The following FAT3 variants were observed in gnomAD, a reference collection of about 807,000 sequenced individuals.
The protein encoded by FAT3 is FAT atypical cadherin 3, also known as protocadherin Fat 3.
FAT3 carries 95 observed loss-of-function variants against 310.2 expected under a neutral mutation model. The ratio of observed to expected loss-of-function variants is 0.31; its 90% CI spans 0.26 to 0.36. The LOEUF (loss-of-function observed/expected upper bound fraction) is 0.36, where lower values mean the gene tolerates loss of function less well. Ranked by LOEUF, FAT3 falls within the 10% of genes least tolerant of loss-of-function variation. The pLI, the probability that FAT3 is intolerant of heterozygous loss-of-function variation, is 1.00. For missense variants in FAT3, 5,408 were observed against 5,715.6 expected (o/e 0.95, Z 1.74); for synonymous variants, 2,314 against 2,192.9 (o/e 1.06, Z -1.54).
At chr11:92,389,609 C>T (rs948760684) in intron 2 of FAT3, among the ~76,000 whole-genome samples, 1 of 152,166 alleles carries the variant, frequency 6.6e-6, no homozygotes, top group African/African-American at 2.4e-5. Flanking sequence ...TGGTACTTAA[C>T]AATAACTACC....
intron 7 of FAT3, among the ~76,000 whole-genome samples, chr11:92,787,035 G>A (rs1015432879): frequency 2.0e-5 from 3 of 152,066 alleles, no homozygotes; most frequent in African/African-American, 2.4e-5. Flanking sequence ...GATGTTTAGC[G>A]GCATCCCTGG....
At chr11:92,455,536 A>C (rs889626488) in intron 2 of FAT3, among the ~76,000 whole-genome samples, 1 of 152,192 alleles carries the variant, frequency 6.6e-6, no homozygotes, top group African/African-American at 2.4e-5. Flanking sequence ...AAACACTGAC[A>C]ATTGTCTGCT....
At chr11:92,291,080 T>TACACACACACACACACACACACACAC (rs141883138) in intron 1 of FAT3, among the ~76,000 whole-genome samples, 1 of 142,796 alleles carries the variant, frequency 7.0e-6, no homozygotes, top group Non-Finnish European at 1.5e-5. Flanking sequence ...CTTTTTATTC[T>TACACACACACACACACACACACACAC]ACACACACAC....
intron 19 of FAT3, among the ~76,000 whole-genome samples, chr11:92,845,139 C>G (rs185140284): frequency 4.6e-5 from 7 of 152,304 alleles, no homozygotes; most frequent in Admixed American, 3.3e-4. Context: ...GGAACCTACA[C>G]TGGGGATGGA....
intron 3 of FAT3, among the ~76,000 whole-genome samples, chr11:92,538,346 A>T (rs1954328192): frequency 6.6e-6 from 1 of 152,164 alleles, no homozygotes; most frequent in Non-Finnish European, 1.5e-5. Context: ...TTTCATTCAC[A>T]TACTACCCAT....
chr11:92,373,617 G>A (rs1949255782), intron 2 of FAT3, among the ~76,000 whole-genome samples: 1 of 152,014 alleles, frequency 6.6e-6, no homozygotes, highest in African/African-American at 2.4e-5. Flanking sequence ...AGTATATACT[G>A]TTATAATGAA....
chr11:92,599,404 C>T (rs1939894341), intron 3 of FAT3, among the ~76,000 whole-genome samples: 1 of 152,122 alleles, frequency 6.6e-6, no homozygotes. Context: ...GGTAACTGCC[C>T]TCATGATTCA....
At chr11:92,618,219 T>C (rs510637) in intron 3 of FAT3, among the ~76,000 whole-genome samples, 85,339 of 152,090 alleles carry the variant, frequency 0.56, 25,368 homozygotes, top group African/African-American at 0.76. Flanking sequence ...CCTTGCAGTT[T>C]GATCTCAGAC....
chr11:92,776,554 G>GAA (rs1223937180), intron 7 of FAT3, among the ~76,000 whole-genome samples: 3 of 152,098 alleles, frequency 2.0e-5, no homozygotes, highest in Non-Finnish European at 4.4e-5. Flanking sequence ...AGTTAATATG[G>GAA]AAACATGTAT....
intron 3 of FAT3, among the ~76,000 whole-genome samples, chr11:92,674,615 A>G (rs919950860): frequency 7.9e-5 from 12 of 152,014 alleles, no homozygotes; most frequent in Non-Finnish European, 1.8e-4. Flanking sequence ...CTTGAACTCC[A>G]GGGCTCAAGT....
intron 13 of FAT3, among the ~76,000 whole-genome samples, chr11:92,824,956 CATT>C (rs1248809485): frequency 6.6e-6 from 1 of 152,120 alleles, no homozygotes; most frequent in South Asian, 2.1e-4. Context: ...AACCAGTCCT[CATT>C]GTTGGAAAAT....
At chr11:92,507,725 A>G (rs755554450) in intron 2 of FAT3, among the ~76,000 whole-genome samples, 2 of 151,948 alleles carry the variant, frequency 1.3e-5, no homozygotes, top group Non-Finnish European at 2.9e-5. Context: ...ATACATGTAT[A>G]TGTACATATA....
At chr11:92,398,602 A>G (rs1040472152) in intron 2 of FAT3, among the ~76,000 whole-genome samples, 5 of 151,664 alleles carry the variant, frequency 3.3e-5, no homozygotes, top group African/African-American at 9.7e-5. Context: ...GATTGCCTCT[A>G]CTACAGACCT....
chr11:92,742,918 G>A (rs1488223452), intron 4 of FAT3, among the ~76,000 whole-genome samples: 1 of 152,204 alleles, frequency 6.6e-6, no homozygotes, highest in African/African-American at 2.4e-5. Context: ...AAAACTGTAG[G>A]TGTAGCGGTG....
intron 2 of FAT3, among the ~76,000 whole-genome samples, chr11:92,447,317 C>A (rs548234912): frequency 1.3e-5 from 2 of 151,526 alleles, no homozygotes; most frequent in East Asian, 1.9e-4. Context: ...TCTTGCTCCA[C>A]TTTTCACTCC....
At chr11:92,703,167 GA>G (rs1053026722) in intron 4 of FAT3, among the ~76,000 whole-genome samples, 10 of 152,066 alleles carry the variant, frequency 6.6e-5, no homozygotes, top group Middle Eastern at 3.4e-3. Flanking sequence ...TTTTCTGAGG[GA>G]AAAAAATATT....
intron 2 of FAT3, chr11:92,400,500 A>C (rs1162218905): frequency 6.6e-6 from 1 of 152,318 alleles, no homozygotes; most frequent in South Asian, 2.1e-4. Context: ...ACCAAAATAA[A>C]GACAAAGATT....
intron 2 of FAT3, among the ~76,000 whole-genome samples, chr11:92,398,117 A>G (rs1269802342): frequency 6.6e-6 from 1 of 150,984 alleles, no homozygotes; most frequent in Non-Finnish European, 1.5e-5. Flanking sequence ...GGTTGCCAGC[A>G]CTCCTTGGCT....
intron 23 of FAT3, among the ~76,000 whole-genome samples, chr11:92,881,641 A>G (rs1210443597): frequency 6.6e-6 from 1 of 152,224 alleles, no homozygotes. Flanking sequence ...TCGTTTGGCT[A>G]CATTTTAAAA....
Sources: allele counts gnomAD v4.1 joint callset (sites outside exome capture counted in the v4.1 genomes callset), GRCh38; gene constraint gnomAD v4.1.1; transcripts MANE v1.5; gene names NCBI Gene and HGNC (gene_info 2026-07-23, HGNC 2026-07-21).